Variants in ZNF331 observed in about 807,000 individuals in gnomAD.
ZNF331 encodes C2H2-like zinc finger protein rearranged in thyroid adenomas.
A neutral mutation model predicts 7.0 loss-of-function variants in ZNF331; 2 were observed. The observed-to-expected ratio is 0.29, with a 90% CI of 0.12 to 0.90. The LOEUF is 0.90. ZNF331 is among the 40% of genes least tolerant of loss of function. ZNF331 has a pLI of 0.58. For missense variants in ZNF331, 432 were observed against 587.7 expected (o/e 0.74, Z 2.74); for synonymous variants, 196 against 205.4 (o/e 0.95, Z 0.39).
intron 2 of ZNF331, among the ~76,000 whole-genome samples, chr19:53,548,658 T>G (rs753625423): frequency 1.9e-4 from 29 of 152,088 alleles, no homozygotes; most frequent in Non-Finnish European, 4.0e-4. Context: ...TGTGGGAGAT[T>G]TTTAGTTTGA....
At chr19:53,553,712 C>T (rs2089166692) in intron 2 of ZNF331, among the ~76,000 whole-genome samples, 1 of 152,230 alleles carries the variant, frequency 6.6e-6, no homozygotes, top group South Asian at 2.1e-4. Context: ...TACAATCCAG[C>T]AAGCAAGGGA....
At chr19:53,548,741 C>T (rs769176660) in intron 2 of ZNF331, among the ~76,000 whole-genome samples, 1 of 152,022 alleles carries the variant, frequency 6.6e-6, no homozygotes, top group Non-Finnish European at 1.5e-5. Flanking sequence ...TTGCCAAGGG[C>T]GATGTGAAGG....
chr19:53,567,369 C>G (rs113027122), intron 3 of ZNF331, among the ~76,000 whole-genome samples: 4 of 152,204 alleles, frequency 2.6e-5, no homozygotes, highest in African/African-American at 9.6e-5. Context: ...TCTGGAGGGG[C>G]CAGGGTAGGC....
chr19:53,540,150 C>G (rs1452358136), intron 2 of ZNF331, among the ~76,000 whole-genome samples: 2 of 152,120 alleles, frequency 1.3e-5, no homozygotes, highest in Non-Finnish European at 2.9e-5. Context: ...TTGTACCATA[C>G]TCTATTGTGT....
chr19:53,517,157 C>T (rs554532834), upstream of ZNF331, among the ~76,000 whole-genome samples: 12 of 152,150 alleles, frequency 7.9e-5, no homozygotes, highest in South Asian at 2.1e-4. Flanking sequence ...CACTAGAAAA[C>T]GCGCACAACA....
At chr19:53,544,005 G>A (rs573058969) in intron 2 of ZNF331, among the ~76,000 whole-genome samples, 1 of 152,236 alleles carries the variant, frequency 6.6e-6, no homozygotes, top group African/African-American at 2.4e-5. Flanking sequence ...GAGGTGGGCA[G>A]ATCACAAGGT....
chr19:53,540,902 CATTTT>C (rs1321422860), intron 2 of ZNF331, among the ~76,000 whole-genome samples: 1 of 152,210 alleles, frequency 6.6e-6, no homozygotes, highest in African/African-American at 2.4e-5. Flanking sequence ...ACCCTCTTCT[CATTTT>C]GAGGACCCTG....
chr19:53,549,867 A>G (rs758355247), intron 2 of ZNF331, among the ~76,000 whole-genome samples: 1 of 151,930 alleles, frequency 6.6e-6, no homozygotes, highest in African/African-American at 2.4e-5. Flanking sequence ...CTTTCGTGAT[A>G]TAAGTATTTA....
At chr19:53,510,110 T>C in the ZNF331 span, among the ~76,000 whole-genome samples, 3 of 152,148 alleles carry the variant, frequency 2.0e-5, no homozygotes, top group Non-Finnish European at 4.4e-5. Flanking sequence ...GAGTAAACCA[T>C]GTTAGAGCTC....
intron 2 of ZNF331, among the ~76,000 whole-genome samples, chr19:53,552,000 C>T (rs542511462): frequency 4.6e-4 from 70 of 152,122 alleles, no homozygotes; most frequent in Non-Finnish European, 8.5e-4. Context: ...TAATCACTGA[C>T]GCCTGTTGCC....
intron 5 of ZNF331, among the ~76,000 whole-genome samples, chr19:53,576,054 G>A (rs189393215): frequency 9.9e-4 from 151 of 151,772 alleles, no homozygotes; most frequent in East Asian, 3.1e-3. Flanking sequence ...GCATGATCTC[G>A]GCTCACTGCA....
At chr19:53,523,282 G>A (rs1295207477) in intron 2 of ZNF331, 1 of 150,928 alleles carries the variant, frequency 6.6e-6, no homozygotes, top group Admixed American at 6.6e-5. Context: ...GCAATGGCAT[G>A]ATCTCAGCTC....
At chr19:53,544,070 T>G (rs1013480233) in intron 2 of ZNF331, among the ~76,000 whole-genome samples, 9 of 150,338 alleles carry the variant, frequency 6.0e-5, no homozygotes, top group African/African-American at 9.9e-5. Context: ...CTACTAAAAA[T>G]ACAAAAATTG....
chr19:53,546,854 G>A (rs971184589), intron 2 of ZNF331, among the ~76,000 whole-genome samples: 2 of 152,232 alleles, frequency 1.3e-5, no homozygotes, highest in African/African-American at 4.8e-5. Context: ...TTCTTTGGGC[G>A]GACAGCTTCT....
upstream of ZNF331, among the ~76,000 whole-genome samples, chr19:53,519,945 G>A (rs12460056): frequency 4.6e-5 from 7 of 152,200 alleles, no homozygotes; most frequent in East Asian, 1.2e-3. Context: ...TTCCAAGAAC[G>A]CTCTGGAGGC....
At chr19:53,548,418 G>A (rs879370990) in intron 2 of ZNF331, among the ~76,000 whole-genome samples, 2 of 151,946 alleles carry the variant, frequency 1.3e-5, no homozygotes, top group South Asian at 2.1e-4. Context: ...GCCAATGCCC[G>A]ACTAATTTTT....
chr19:53,559,534 ACGC>A, intron 3 of ZNF331, among the ~76,000 whole-genome samples: 1 of 151,086 alleles, frequency 6.6e-6, no homozygotes, highest in African/African-American at 2.4e-5. Context: ...ATATACACAC[ACGC>A]CATATATACA....
intron 3 of ZNF331, among the ~76,000 whole-genome samples, chr19:53,564,018 C>T (rs1035390884): frequency 1.3e-4 from 14 of 111,892 alleles, no homozygotes; most frequent in South Asian, 3.6e-4. Context: ...GGCGACAGAG[C>T]GAGACTTCAT....
At position 53,554,248 on chromosome 19, in the gene ZNF331, C is replaced by T. The variant is rs548675522; in HGVS notation, c.-137-1597C>T. 6.6e-5 allele frequency among the ~76,000 whole-genome samples: 10 copies of T among 152,288 alleles called. No homozygotes were observed. The South Asian group carries it at 1.9e-3, about 28-fold the overall frequency. On this transcript the variant is annotated intron_variant, in intron 2 of 5. Coordinates refer to ENST00000449416, the MANE Select transcript of ZNF331 (RefSeq NM_001079906.2). Reference sequence around the variant, plus strand: ...AAGGAAGGAGTGGGAAGGGCGCGCACGCGTGTCAGTGTGTGCATGTGTCAG... The same window carrying T: ...AAGGAAGGAGTGGGAAGGGCGCGCATGCGTGTCAGTGTGTGCATGTGTCAG...
Sources: gnomAD v4.1 joint callset for allele counts (sites outside exome capture counted in the v4.1 genomes callset) on GRCh38, gnomAD v4.1.1 for gene constraint, MANE v1.5 for transcripts, NCBI Gene and HGNC (gene_info 2026-07-23, HGNC 2026-07-21) for gene names.